Variants in HUNK observed in about 807,000 individuals in gnomAD.
HUNK encodes the protein hormonally up-regulated neu tumor-associated kinase.
In HUNK, 21 loss-of-function variants were observed where a neutral mutation model predicts 61.0. The observed-to-expected ratio is 0.34, with a 90% CI of 0.24 to 0.50. The LOEUF (loss-of-function observed/expected upper bound fraction) is 0.50, where lower values mean the gene tolerates loss of function less well. Among genes scored for constraint, HUNK ranks in the 20% least tolerant of loss-of-function variants. The pLI is 0.98. For synonymous variants in HUNK, 371 were observed against 386.1 expected, an observed-to-expected ratio of 0.96 and a Z score of 0.46; for missense variants, 772 against 945.7, an observed-to-expected ratio of 0.82 and a Z score of 2.41.
intron 2 of HUNK, among the ~76,000 whole-genome samples, chr21:31,932,060 C>G (rs1568928344): frequency 6.6e-6 from 1 of 151,804 alleles, no homozygotes; most frequent in Non-Finnish European, 1.5e-5. Context: ...CATGCACACA[C>G]CCACACACGT....
chr21:31,889,703 A>G (rs2052372900), intron 1 of HUNK, among the ~76,000 whole-genome samples: 1 of 152,180 alleles, frequency 6.6e-6, no homozygotes, highest in African/African-American at 2.4e-5. Context: ...TAAAACTTGA[A>G]TTTCTCTCTG....
chr21:31,915,054 A>ATTTTTTTT (rs5843533), intron 1 of HUNK, among the ~76,000 whole-genome samples: 13 of 146,648 alleles, frequency 8.9e-5, no homozygotes, highest in Non-Finnish European at 1.5e-4. Context: ...TAGATTTGGG[A>ATTTTTTTT]TTTTTTTTTT....
intron 4 of HUNK, among the ~76,000 whole-genome samples, chr21:31,947,251 C>G (rs1164258386): frequency 6.6e-6 from 1 of 151,664 alleles, no homozygotes; most frequent in Non-Finnish European, 1.5e-5. Context: ...ATCCCAGTCT[C>G]AAGCCAGTGG....
chr21:31,908,708 G>A (rs1417403791), intron 1 of HUNK, among the ~76,000 whole-genome samples: 1 of 152,128 alleles, frequency 6.6e-6, no homozygotes, highest in Non-Finnish European at 1.5e-5. Context: ...TTTGGATCCC[G>A]TGGATCTGTT....
At chr21:31,968,080 G>A (rs944810605) in intron 5 of HUNK, among the ~76,000 whole-genome samples, 170 bp from the exon 6 acceptor site, 3 of 152,144 alleles carry the variant, frequency 2.0e-5, no homozygotes, top group Admixed American at 1.3e-4. Context: ...CTGAAACCAA[G>A]CTCCACGATT....
At chr21:31,960,674 C>T (rs1333392287) in intron 5 of HUNK, among the ~76,000 whole-genome samples, 1 of 152,072 alleles carries the variant, frequency 6.6e-6, no homozygotes, top group East Asian at 1.9e-4. Context: ...AGCGCTTGTG[C>T]AGGGGAAATC....
chr21:31,908,265 T>A (rs1029336072), intron 1 of HUNK, among the ~76,000 whole-genome samples: 39 of 151,868 alleles, frequency 2.6e-4, no homozygotes, highest in Admixed American at 6.6e-5. Flanking sequence ...TGGCAGCAGA[T>A]CATGAAGGAC....
At chr21:31,916,463 A>T (rs974726714) in intron 1 of HUNK, among the ~76,000 whole-genome samples, 6 of 152,042 alleles carry the variant, frequency 3.9e-5, no homozygotes, top group African/African-American at 1.4e-4. Flanking sequence ...TATTCTAAGT[A>T]AAATTCTACA....
rs112038178 is a variant in HUNK, at chr21:31,959,316, G to GA, written c.874+347dup. ...TTAAAACTCACCATCTTATGATGCTGACTTGGAAAAGAGGGTTTATGGTCG... is the reference window on the plus strand; with the variant it reads ...TTAAAACTCACCATCTTATGATGCTGAACTTGGAAAAGAGGGTTTATGGTCG... On this transcript the variant is annotated intron_variant, in intron 5 of 10. Coordinates refer to ENST00000270112, the MANE Select transcript of HUNK (RefSeq NM_014586.2). 9.3e-3 allele frequency among the ~76,000 whole-genome samples: 1,416 copies of GA among 152,274 alleles called. 20 individuals carry two copies. The highest frequency in any genetic ancestry group is 0.032 in the African/African-American group (1,349 of 41,548).
At chr21:31,884,563 G>T (rs1397076352) in intron 1 of HUNK, among the ~76,000 whole-genome samples, 1 of 151,318 alleles carries the variant, frequency 6.6e-6, no homozygotes, top group Admixed American at 6.6e-5. Context: ...TTGCACTCTA[G>T]CCTGGGTGAC....
rs80240031 is a variant in HUNK at position 31,882,507 on chromosome 21, G to A, written c.261+8572G>A. 9.2e-5 allele frequency among the ~76,000 whole-genome samples: 14 copies of A among 152,216 alleles called. No homozygotes were observed. In the East Asian group the frequency reaches 2.7e-3, roughly 29 times the overall value. On this transcript the variant is annotated intron_variant, in intron 1 of 10. Transcript: ENST00000270112. ...TGCATAGAGACCCACATACATATTTGTAAATGCGTAGTTAGGGGCAGATTT... is the reference window on the plus strand; with the variant it reads ...TGCATAGAGACCCACATACATATTTATAAATGCGTAGTTAGGGGCAGATTT...
In HUNK at chr21:31,968,328, G is replaced by C; in HGVS notation, c.953G>C (p.Arg318Pro). The C allele has an allele frequency of 6.2e-7, 1 of 1,614,194 alleles. No individual in the cohort carries two copies. The highest frequency in any genetic ancestry group is 8.5e-7 in the Non-Finnish European group (1 of 1,180,028). Reference protein sequence around the residue: ...RPNIQQALANRWLNENYTGKV... With the variant: ...RPNIQQALANPWLNENYTGKV... Reference sequence around the variant, plus strand: ...AATATTCAGCAGGCACTGGCGAATCGCTGGCTTAATGAGAATTACACGGGC... The same window carrying C: ...AATATTCAGCAGGCACTGGCGAATCCCTGGCTTAATGAGAATTACACGGGC... The change falls in exon 6 of 11, where the codon CGC (arginine) becomes CCC (proline). Residue 318 changes from arginine (R) to proline (P), a missense_variant. Around this residue, in one of 2 missense-constraint regions of HUNK, gnomAD observed 359 missense variants for 501.3 expected, o/e 0.72. Coordinates refer to ENST00000270112, the MANE Select transcript of HUNK (RefSeq NM_014586.2).
At chr21:31,969,292 T>C (rs2052993489) in intron 6 of HUNK, among the ~76,000 whole-genome samples, 2 of 152,170 alleles carry the variant, frequency 1.3e-5, no homozygotes, top group African/African-American at 4.8e-5. Context: ...TTAGATGCCT[T>C]CTTCTGCCTT....
intron 9 of HUNK, among the ~76,000 whole-genome samples, chr21:31,990,389 A>G (rs2053163676): frequency 6.7e-6 from 1 of 150,064 alleles, no homozygotes; most frequent in Non-Finnish European, 1.5e-5. Flanking sequence ...GGCCATCTAG[A>G]GGCAGAATTT....
chr21:31,881,009 C>T (rs565113878), intron 1 of HUNK, among the ~76,000 whole-genome samples: 7 of 152,332 alleles, frequency 4.6e-5, no homozygotes, highest in East Asian at 3.9e-4. Flanking sequence ...ATTTCCGCAT[C>T]GGCCAGTCCT....
intron 1 of HUNK, among the ~76,000 whole-genome samples, chr21:31,901,676 A>G (rs900855349): frequency 6.6e-6 from 1 of 152,224 alleles, no homozygotes; most frequent in African/African-American, 2.4e-5. Flanking sequence ...AAACTAAACT[A>G]TGATGCTCAG....
At chr21:31,876,391 A>G (rs2833546) in intron 1 of HUNK, among the ~76,000 whole-genome samples, 103,567 of 152,088 alleles carry the variant, frequency 0.68, 35,699 homozygotes, top group African/African-American at 0.79. Context: ...GTCATTCATA[A>G]CATTTATCTC....
At chr21:31,932,033 A>G (rs910240021) in intron 2 of HUNK, among the ~76,000 whole-genome samples, 2 of 152,146 alleles carry the variant, frequency 1.3e-5, no homozygotes, top group Non-Finnish European at 2.9e-5. Flanking sequence ...TCATACACCC[A>G]TGGATGCGTG....
intron 2 of HUNK, among the ~76,000 whole-genome samples, chr21:31,930,355 A>G (rs1568927905): frequency 6.6e-6 from 1 of 152,202 alleles, no homozygotes; most frequent in Non-Finnish European, 1.5e-5. Flanking sequence ...CTCTGTAATT[A>G]CTACTCAGTC....
Sources: allele counts gnomAD v4.1 joint callset (sites outside exome capture counted in the v4.1 genomes callset), GRCh38; gene constraint gnomAD v4.1.1; regional missense constraint gnomAD v4.1.1; transcripts MANE v1.5; gene names NCBI Gene and HGNC (gene_info 2026-07-23, HGNC 2026-07-21).